TBCE: variants seen among roughly 807,000 people sequenced by gnomAD.
TBCE encodes the protein tubulin folding cofactor E, also known as tubulin-specific chaperone E.
A neutral mutation model predicts 77.0 loss-of-function variants in TBCE; 53 were observed. The ratio of observed to expected loss-of-function variants is 0.69; its 90% confidence interval spans 0.55 to 0.87. TBCE has a LOEUF of 0.87. TBCE is among the 40% of genes least tolerant of loss of function. The probability of loss-of-function intolerance (pLI) is 0.00; values close to 1 mark genes in which losing one functional copy is unlikely to be tolerated. For missense variants in TBCE, 624 were observed against 622.4 expected (o/e 1.00, Z -0.03); for synonymous variants, 235 against 241.3 (o/e 0.97, Z 0.24).
chr1:235,443,185 C>CAT (rs1553340612), intron 15 of TBCE, among the ~76,000 whole-genome samples: 28 of 139,838 alleles, frequency 2.0e-4, no homozygotes, highest in South Asian at 8.1e-4. Flanking sequence ...CACACACACA[C>CAT]ATATATATAT....
intron 1 of TBCE, among the ~76,000 whole-genome samples, chr1:235,368,055 G>A (rs1283390114): frequency 1.3e-5 from 2 of 152,138 alleles, no homozygotes; most frequent in Non-Finnish European, 2.9e-5. Context: ...ACAGGCGCGT[G>A]CCACCACGCT....
chr1:235,448,678 C>T lies in TBCE; in HGVS notation c.1500C>T (p.Gly500=). Residue 500 remains glycine (G), a synonymous_variant, in exon 17 of 17, where the codon GGC becomes GGT. Coordinates refer to ENST00000642610, the MANE Select transcript of TBCE (RefSeq NM_003193.5). ...LLSYESPKKP[G]REIELENDLK... is the part of the protein sequence containing the mutation. ...CTTCGTTCTAATTTTAGAAGCCGGG[C>T]AGAGAAATCGAGCTGGAAAATGACC... is the stretch of plus-strand genomic sequence containing the variant. The T allele has an allele frequency of 6.2e-7, 1 of 1,613,762 alleles. No individual in the cohort carries two copies. The highest frequency in any genetic ancestry group is 8.5e-7 in the Non-Finnish European group (1 of 1,179,756).
chr1:235,369,368 G>A (rs1042335517), intron 1 of TBCE, among the ~76,000 whole-genome samples: 2 of 151,826 alleles, frequency 1.3e-5, no homozygotes, highest in Admixed American at 6.6e-5. Flanking sequence ...TTAGCCGGGC[G>A]TGGTGGTGCG....
At chr1:235,432,361 C>A (rs1681156176) in intron 7 of TBCE, among the ~76,000 whole-genome samples, 1 of 152,224 alleles carries the variant, frequency 6.6e-6, no homozygotes, top group Non-Finnish European at 1.5e-5. Flanking sequence ...ACAGAGGCCA[C>A]TCAGTGAGAG....
chr1:235,381,227 A>T (rs1354605927), intron 2 of TBCE, among the ~76,000 whole-genome samples: 5 of 152,176 alleles, frequency 3.3e-5, no homozygotes, highest in African/African-American at 1.2e-4. Flanking sequence ...GCAGCCAGAG[A>T]TCACCAGTTG....
chr1:235,400,370 G>C (rs1185437836), intron 2 of TBCE, among the ~76,000 whole-genome samples: 1 of 149,234 alleles, frequency 6.7e-6, no homozygotes, highest in Non-Finnish European at 1.5e-5. Context: ...ACCTTTATTG[G>C]GTTTTTGCTG....
intron 1 of TBCE, among the ~76,000 whole-genome samples, chr1:235,378,722 G>A (rs917424722): frequency 2.0e-5 from 3 of 151,916 alleles, no homozygotes; most frequent in African/African-American, 7.2e-5. Context: ...TGGCGTGTGC[G>A]TGGTGGCGTG....
At chr1:235,375,443 G>A (rs1329651507) in intron 1 of TBCE, among the ~76,000 whole-genome samples, 1 of 152,142 alleles carries the variant, frequency 6.6e-6, no homozygotes, top group Non-Finnish European at 1.5e-5. Context: ...AACTTAACTA[G>A]GCAGCAGCTG....
intron 2 of TBCE, 120 bp from the exon 3 acceptor site, chr1:235,401,383 C>A: frequency 1.2e-6 from 1 of 806,882 alleles, no homozygotes; most frequent in Non-Finnish European, 2.1e-6. Context: ...TCCATTCCCT[C>A]CTCCCCAAGT....
In TBCE at chr1:235,428,884, C is replaced by T. The variant is rs576515861; in HGVS notation, c.560+1645C>T. On this transcript the variant is annotated intron_variant, in intron 6 of 16. Coordinates refer to ENST00000642610, the MANE Select transcript of TBCE (RefSeq NM_003193.5). ...GTCTCAATCTCTTGACCTTGTGATC[C>T]GCCCACATCAGCCTCCCAAAGTGCT... Among the ~76,000 whole-genome samples the T allele has an allele frequency of 1.7e-3, 254 of 151,292 alleles. 1 individual carries two copies. The highest frequency in any genetic ancestry group is 5.8e-3 in the African/African-American group (239 of 41,222).
chr1:235,406,233 T>C (rs1679419485), intron 3 of TBCE, among the ~76,000 whole-genome samples: 1 of 152,212 alleles, frequency 6.6e-6, no homozygotes, highest in South Asian at 2.1e-4. Context: ...TGGTCTGGAC[T>C]ACAGGAATTT....
In TBCE at chr1:235,383,223, G is replaced by A. The variant is rs1198471517; in HGVS notation, c.100+3074G>A. ...ATGCTGTTTTGGTTACTGTAGCCTTGTAGTATAGTTTGAAGTCAGGTAGTG... is the reference window on the plus strand; with the variant it reads ...ATGCTGTTTTGGTTACTGTAGCCTTATAGTATAGTTTGAAGTCAGGTAGTG... On this transcript the variant is annotated intron_variant, in intron 2 of 16. Coordinates refer to ENST00000642610, the MANE Select transcript of TBCE (RefSeq NM_003193.5). Among the ~76,000 whole-genome samples the A allele has an allele frequency of 7.3e-5, 11 of 151,154 alleles. No individual in the cohort carries two copies. The Admixed American group carries it at 7.3e-4, about 10-fold the overall frequency.
chr1:235,447,958 C>T (rs963204819), intron 15 of TBCE, among the ~76,000 whole-genome samples: 2 of 151,922 alleles, frequency 1.3e-5, no homozygotes, highest in Admixed American at 6.6e-5. Flanking sequence ...TGCTTGTAAT[C>T]CCAGCACTTT....
intron 12 of TBCE, 143 bp downstream of exon 12, chr1:235,437,617 G>A: frequency 1.0e-6 from 1 of 955,890 alleles, no homozygotes; most frequent in African/African-American, 1.7e-5. Flanking sequence ...TTTGAGACCA[G>A]CCTGGGCAAT....
chr1:235,413,848 ATT>A (rs781617014), intron 3 of TBCE: 1,413 of 70,876 alleles, frequency 0.02, 12 homozygotes, highest in Middle Eastern at 0.054. Context: ...TCCACCTACG[ATT>A]TTTTTTTTTT....
intron 1 of TBCE, among the ~76,000 whole-genome samples, chr1:235,378,110 A>G (rs6683978): frequency 0.73 from 111,129 of 152,176 alleles, 41,754 homozygotes; most frequent in African/African-American, 0.92. Context: ...TTTGTTTTGT[A>G]CACATATTAT....
intron 3 of TBCE, among the ~76,000 whole-genome samples, chr1:235,408,525 A>G (rs1433105310): frequency 6.6e-6 from 1 of 151,854 alleles, no homozygotes; most frequent in Non-Finnish European, 1.5e-5. Context: ...TCATTTTTGG[A>G]AGGTTTTCTT....
chr1:235,367,594 T>G (rs1676622906), intron 1 of TBCE, 90 bp downstream of exon 1: 1 of 152,718 alleles, frequency 6.5e-6, no homozygotes. Flanking sequence ...CTTCCTTTCC[T>G]GGAATCTTCC....
intron 12 of TBCE, 131 bp downstream of exon 12, chr1:235,437,605 A>G: frequency 9.4e-7 from 1 of 1,061,068 alleles, no homozygotes; most frequent in Non-Finnish European, 1.4e-6. Context: ...GCAGTCCAGG[A>G]GTTTGAGACC....
Sources: allele counts gnomAD v4.1 joint callset (sites outside exome capture counted in the v4.1 genomes callset), GRCh38; gene constraint gnomAD v4.1.1; transcripts MANE v1.5; gene names NCBI Gene and HGNC (gene_info 2026-07-23, HGNC 2026-07-21).